The following NAV3 variants were observed in gnomAD, a reference collection of about 807,000 sequenced individuals.
NAV3 encodes the protein neuron navigator 3.
NAV3 carries 87 observed loss-of-function variants against 244.7 expected under a neutral mutation model. That is an observed-to-expected ratio of 0.36 (90% CI 0.30 to 0.42). The LOEUF (loss-of-function observed/expected upper bound fraction) is 0.42, where lower values mean the gene tolerates loss of function less well. Among genes scored for constraint, NAV3 ranks in the 20% least tolerant of loss-of-function variants. The pLI, the probability that NAV3 is intolerant of heterozygous loss-of-function variation, is 1.00. For synonymous variants in NAV3, 1,126 were observed against 1,042.2 expected (o/e 1.08, Z -1.55); for missense variants, 2,663 against 2,893.3 (o/e 0.92, Z 1.83).
intron 12 of NAV3, among the ~76,000 whole-genome samples, chr12:78,084,912 A>G (rs144601073): frequency 2.0e-3 from 308 of 152,148 alleles, no homozygotes; most frequent in African/African-American, 7.1e-3. Flanking sequence ...CCTCTTGTAA[A>G]ATTATTTATG....
In NAV3 at chr12:78,189,706, C is replaced by G. The variant is rs575577222; in HGVS notation, c.6056-278C>G. Among the ~76,000 whole-genome samples the G allele has an allele frequency of 1.3e-4, 19 of 151,920 alleles. No individual in the cohort carries two copies. The East Asian group carries it at 3.5e-3, about 28-fold the overall frequency. On this transcript the variant is annotated intron_variant, in intron 33 of 39. Coordinates refer to ENST00000397909, the MANE Select transcript of NAV3 (RefSeq NM_001024383.2). ...TAGCATTTATAATGCTTCCATTTCT[C>G]TCTGGAAACATAAATGAAAACAAGA...
At chr12:77,849,188 C>A (rs1877104340) in intron 1 of NAV3, among the ~76,000 whole-genome samples, 1 of 152,074 alleles carries the variant, frequency 6.6e-6, no homozygotes, top group South Asian at 2.1e-4. Flanking sequence ...CGATTTGATT[C>A]ATGTTTATAT....
intron 1 of NAV3, among the ~76,000 whole-genome samples, chr12:77,868,302 A>T (rs932206357): frequency 6.6e-6 from 1 of 152,102 alleles, no homozygotes; most frequent in African/African-American, 2.4e-5. Context: ...GTTACTTAAT[A>T]TATATTAATA....
rs748769258 is a variant in NAV3, at chr12:78,006,716, C to G, written c.1178C>G (p.Ala393Gly). Residue 393 changes from alanine (A) to glycine (G), a missense_variant, in exon 8 of 40, where the codon GCC (alanine) becomes GGC (glycine). By Grantham distance (60) the Ala-to-Gly change is moderately conservative. Around this residue, in one of 6 missense-constraint regions of NAV3, gnomAD observed 1,521 missense variants for 1,497.0 expected, o/e 1.02. Coordinates refer to ENST00000397909, the MANE Select transcript of NAV3 (RefSeq NM_001024383.2). ...SMLEKFKLVN[A>G]RTALRPPQPP... ...CTTGAGAAATTCAAGCTAGTCAATG[C>G]CCGGACTGCTTTACGCCCCCCGCAG... The G allele has an allele frequency of 4.5e-5, 72 of 1,613,984 alleles. No individual in the cohort carries two copies. Among genetic ancestry groups the G allele is most frequent in the Non-Finnish European group, 5.9e-5 (70 of 1,180,038 alleles).
chr12:77,859,758 C>CAAAAAA (rs61516625), intron 1 of NAV3, among the ~76,000 whole-genome samples: 1,364 of 68,592 alleles, frequency 0.02, 90 homozygotes, highest in East Asian at 0.031. Flanking sequence ...CTTTCAAATG[C>CAAAAAA]AAAAAAAAAA....
At chr12:77,743,536 C>T (rs1868385491) in intron 2 of NAV3, among the ~76,000 whole-genome samples, 1 of 151,698 alleles carries the variant, frequency 6.6e-6, no homozygotes, top group African/African-American at 2.4e-5. Flanking sequence ...TTTTCAGAAA[C>T]TAGAAAGAGC....
At position 78,121,997 on chromosome 12, in the gene NAV3, G is replaced by A. The variant is rs1157720532; in HGVS notation, c.3807G>A (p.Val1269=). Residue 1269 remains valine (V), a synonymous_variant, in exon 16 of 40, where the codon GTG becomes GTA. Coordinates refer to ENST00000397909, the MANE Select transcript of NAV3 (RefSeq NM_001024383.2). ...KSASAPNTEG[V]KSSSVMPSPS... is the part of the protein sequence containing the mutation. Reference sequence around the variant, plus strand: ...CCTCTGCACCTAATACTGAGGGTGTGAAATCTTCCTCAGTAATGCCCAGCC... The same window carrying A: ...CCTCTGCACCTAATACTGAGGGTGTAAAATCTTCCTCAGTAATGCCCAGCC... 4 of 1,614,186 alleles carry A rather than the reference G, an allele frequency of 2.5e-6. No homozygotes were observed. In the Admixed American group the frequency reaches 6.7e-5, roughly 27 times the overall value.
intron 1 of NAV3, among the ~76,000 whole-genome samples, chr12:77,904,507 G>C (rs1885729218): frequency 1.3e-5 from 2 of 152,142 alleles, no homozygotes; most frequent in Admixed American, 1.3e-4. Context: ...GGTTGGTGGA[G>C]GGGGAGAGAT....
intron 2 of NAV3, among the ~76,000 whole-genome samples, chr12:77,674,412 G>T (rs1477417398): frequency 1.3e-5 from 2 of 151,062 alleles, no homozygotes; most frequent in Non-Finnish European, 2.9e-5. Context: ...TTGAGATAAG[G>T]TCTCACTCTG....
chr12:77,933,423 A>G (rs1226450136), intron 1 of NAV3, among the ~76,000 whole-genome samples: 1 of 152,184 alleles, frequency 6.6e-6, no homozygotes, highest in Non-Finnish European at 1.5e-5. Context: ...AAGTAAAAGG[A>G]AATTATCAGA....
intron 2 of NAV3, among the ~76,000 whole-genome samples, chr12:77,599,204 C>T (rs921211639): frequency 6.6e-6 from 1 of 151,960 alleles, no homozygotes; most frequent in Admixed American, 6.6e-5. Context: ...GGATTTTCTT[C>T]GTTTTTAATG....
At chr12:77,691,035 A>G (rs1874987835) in intron 2 of NAV3, among the ~76,000 whole-genome samples, 1 of 150,348 alleles carries the variant, frequency 6.7e-6, no homozygotes, top group Non-Finnish European at 1.5e-5. Context: ...TGTGTCTTTA[A>G]CAGTTTAGGT....
intron 2 of NAV3, among the ~76,000 whole-genome samples, chr12:77,699,877 G>C (rs948981446): frequency 6.6e-6 from 1 of 151,814 alleles, no homozygotes; most frequent in Admixed American, 6.6e-5. Flanking sequence ...CAAATTCAGG[G>C]AGGAGGGATA....
At chr12:78,191,798 T>C (rs2139904666) in intron 34 of NAV3, among the ~76,000 whole-genome samples, 1 of 152,252 alleles carries the variant, frequency 6.6e-6, no homozygotes, top group African/African-American at 2.4e-5. Context: ...AGCCAAAAAA[T>C]ATGAAAGGTT....
chr12:77,998,595 T>C, intron 7 of NAV3, 119 bp downstream of exon 7: 2 of 1,071,700 alleles, frequency 1.9e-6, no homozygotes, highest in South Asian at 4.3e-5. Flanking sequence ...CAGTGGAGTT[T>C]CTTTATGTTT....
chr12:78,062,138 A>T (rs1884414000), intron 12 of NAV3, among the ~76,000 whole-genome samples: 1 of 152,170 alleles, frequency 6.6e-6, no homozygotes, highest in Non-Finnish European at 1.5e-5. Flanking sequence ...TATTTCACTC[A>T]TAGAACACGA....
At chr12:77,780,232 C>T (rs1426998390) in intron 2 of NAV3, among the ~76,000 whole-genome samples, 2 of 152,106 alleles carry the variant, frequency 1.3e-5, no homozygotes, top group Non-Finnish European at 1.5e-5. Flanking sequence ...TAATCAAAGC[C>T]AGTAATCCCG....
At chr12:78,025,066 T>C (rs759846619) in intron 9 of NAV3, among the ~76,000 whole-genome samples, 2 of 152,124 alleles carry the variant, frequency 1.3e-5, no homozygotes, top group Non-Finnish European at 2.9e-5. Flanking sequence ...TCTTATGGCA[T>C]GCTGTAAAAA....
chr12:77,891,247 A>T (rs1176853641), intron 1 of NAV3, among the ~76,000 whole-genome samples: 1 of 149,792 alleles, frequency 6.7e-6, no homozygotes, highest in Non-Finnish European at 1.5e-5. Context: ...ATTTATAAAG[A>T]TAAATACATT....
Sources: allele counts gnomAD v4.1 joint callset (sites outside exome capture counted in the v4.1 genomes callset), GRCh38; gene constraint gnomAD v4.1.1; regional missense constraint gnomAD v4.1.1; transcripts MANE v1.5; gene names NCBI Gene and HGNC (gene_info 2026-07-23, HGNC 2026-07-21).